Variants in PCDH11X observed in about 807,000 individuals in gnomAD.
PCDH11X encodes the protein protocadherin-11 X-linked.
Under a neutral mutation model 53.3 loss-of-function variants are expected in PCDH11X, and 18 were observed. The ratio of observed to expected loss-of-function variants is 0.34; its 90% CI spans 0.23 to 0.50. PCDH11X has a LOEUF of 0.50. PCDH11X is among the 20% of genes least tolerant of loss of function. The pLI is 0.98. For synonymous variants in PCDH11X, 279 were observed against 393.3 expected (o/e 0.71, Z 3.44); for missense variants, 570 against 1,032.4 (o/e 0.55, Z 6.14).
chrX:92,425,762 TTAGAAA>T (rs935626233), intron 9 of PCDH11X, among the ~76,000 whole-genome samples: 1 of 77,265 alleles, frequency 1.3e-5, no homozygotes, highest in African/African-American at 4.7e-5. Flanking sequence ...ATTTCAACTT[TTAGAAA>T]TAGAGGAGGT....
intron 6 of PCDH11X, among the ~76,000 whole-genome samples, chrX:92,155,653 G>A (rs1342110515): frequency 1.1e-5 from 1 of 90,485 alleles, no homozygotes; most frequent in African/African-American, 4.6e-5. Context: ...CTGAGACAGA[G>A]TCTCGCTCTG....
At chrX:92,162,278 G>T (rs753373307) in intron 6 of PCDH11X, among the ~76,000 whole-genome samples, 2 of 104,785 alleles carry the variant, frequency 1.9e-5, no homozygotes, top group South Asian at 8.8e-4. Flanking sequence ...TGCAACCTCT[G>T]CCTCCTGGGT....
At chrX:92,579,179 T>A (rs1923346303) in intron 10 of PCDH11X, among the ~76,000 whole-genome samples, 1 of 101,521 alleles carries the variant, frequency 9.9e-6, no homozygotes, top group African/African-American at 3.7e-5. Flanking sequence ...TCCTTAATAT[T>A]TTTTTCCTTC....
rs1603226427 is a variant in PCDH11X, at chrX:92,241,620, A to G, written c.3115-21494A>G. 2.7e-5 allele frequency among the ~76,000 whole-genome samples: 3 copies of G among 112,053 alleles called. No individual in the cohort carries two copies. The South Asian group carries it at 1.1e-3, about 42-fold the overall frequency. On this transcript the variant is annotated intron_variant, in intron 7 of 10. Coordinates refer to ENST00000682573, the MANE Select transcript of PCDH11X (RefSeq NM_032968.5). ...AGAGCTAATCATTTGTTAAAACTGT[A>G]AAAAGTGGACATTCCTCTCAGTGAA...
At chrX:92,514,015 G>A (rs1351909293) in intron 10 of PCDH11X, among the ~76,000 whole-genome samples, 2 of 111,309 alleles carry the variant, frequency 1.8e-5, no homozygotes, top group South Asian at 7.5e-4. Flanking sequence ...TGTTTTTAAG[G>A]CTAATCCATA....
chrX:92,611,541 A>G (rs1452071214), intron 10 of PCDH11X, among the ~76,000 whole-genome samples: 1 of 110,319 alleles, frequency 9.1e-6, no homozygotes, highest in Non-Finnish European at 1.9e-5. Context: ...GACATAGGTT[A>G]TCATCTTCTT....
intron 7 of PCDH11X, among the ~76,000 whole-genome samples, chrX:92,220,287 G>T (rs1375408857): frequency 2.5e-5 from 2 of 81,305 alleles, no homozygotes; most frequent in Admixed American, 1.5e-4. Flanking sequence ...GAAAATTTTC[G>T]CCACCTACTC....
intron 9 of PCDH11X, among the ~76,000 whole-genome samples, chrX:92,438,917 CA>C (rs1442807492): frequency 9.0e-6 from 1 of 111,372 alleles, no homozygotes; most frequent in Non-Finnish European, 1.9e-5. Context: ...GTGCCTAAGA[CA>C]TGAGATTAAT....
chrX:92,532,046 T>C (rs2074566779), intron 10 of PCDH11X, among the ~76,000 whole-genome samples: 1 of 110,557 alleles, frequency 9.0e-6, no homozygotes, highest in South Asian at 3.8e-4. Flanking sequence ...TAGAAATACA[T>C]TTTAATTTAG....
chrX:92,511,388 G>A (rs1200491917), intron 10 of PCDH11X, among the ~76,000 whole-genome samples: 2 of 111,580 alleles, frequency 1.8e-5, no homozygotes, highest in African/African-American at 6.5e-5. Context: ...AATAGCCAAT[G>A]TTAATGTGAC....
At chrX:92,416,883 A>C (rs1197939900) in intron 9 of PCDH11X, among the ~76,000 whole-genome samples, 14 of 111,962 alleles carry the variant, frequency 1.3e-4, no homozygotes, top group Non-Finnish European at 1.1e-4. Context: ...TAAAAGTTGT[A>C]CGTTATTTAT....
intron 6 of PCDH11X, among the ~76,000 whole-genome samples, chrX:92,108,578 T>C (rs921606151): frequency 9.0e-6 from 1 of 111,693 alleles, no homozygotes; most frequent in Non-Finnish European, 1.9e-5. Flanking sequence ...ACACATATAA[T>C]ATAATGCAGA....
chrX:92,129,690 T>G (rs1301051461), intron 6 of PCDH11X, among the ~76,000 whole-genome samples: 4 of 111,291 alleles, frequency 3.6e-5, no homozygotes, highest in Non-Finnish European at 5.7e-5. Context: ...AGACCTGTTT[T>G]CTCAGATTCC....
chrX:92,148,170 TTCC>T (rs1569389494), intron 6 of PCDH11X, among the ~76,000 whole-genome samples: 1 of 45,648 alleles, frequency 2.2e-5, no homozygotes, highest in African/African-American at 9.7e-5. Flanking sequence ...CCTTCCTTCC[TTCC>T]TTCTTTCTTT....
chrX:92,053,962 C>A (rs1263287128), intron 6 of PCDH11X, among the ~76,000 whole-genome samples: 1 of 111,561 alleles, frequency 9.0e-6, no homozygotes, highest in Non-Finnish European at 1.9e-5. Flanking sequence ...GAACTGTTAT[C>A]CCCATTTTTC....
chrX:92,101,548 C>T lies in PCDH11X; in HGVS notation c.3034-99827C>T, dbSNP rs780876470. On this transcript the variant is annotated intron_variant, in intron 6 of 10. Transcript: ENST00000682573. ...ACTAACAGCCTGAAAAACTGCTTGG[C>T]TGATTTGACTAATAAAGGCTTATCT... Among the ~76,000 whole-genome samples, 5 of 111,223 alleles carry T rather than the reference C, an allele frequency of 4.5e-5. No individual in the cohort carries two copies. The South Asian group carries it at 1.9e-3, about 42-fold the overall frequency.
intron 8 of PCDH11X, among the ~76,000 whole-genome samples, chrX:92,333,995 C>T (rs1198382966): frequency 9.0e-6 from 1 of 110,959 alleles, no homozygotes; most frequent in Non-Finnish European, 1.9e-5. Flanking sequence ...TCTTAAACAA[C>T]ATGGGTTTGA....
At position 92,343,962 on chromosome X, in the gene PCDH11X, G is replaced by GTT. The variant is rs575703247; in HGVS notation, c.3145-43763_3145-43762dup. Reference sequence around the variant, plus strand: ...TTTCTTGAAAGCTGGTTATACAAACGTTTTTTTTTTTCTTGCCCCTGTCTC... The same window carrying GTT: ...TTTCTTGAAAGCTGGTTATACAAACGTTTTTTTTTTTTTCTTGCCCCTGTCTC... On this transcript the variant is annotated intron_variant, in intron 8 of 10. Transcript: ENST00000682573. 5.8e-5 allele frequency among the ~76,000 whole-genome samples: 6 copies of GTT among 103,968 alleles called. No individual in the cohort carries two copies. The South Asian group carries it at 1.7e-3, about 29-fold the overall frequency. The allele number at this position is 103,968 out of a possible 115,157, so 90.3% of individuals were successfully genotyped here.
chrX:92,127,433 T>C (rs1173962028), intron 6 of PCDH11X, among the ~76,000 whole-genome samples: 2 of 111,284 alleles, frequency 1.8e-5, no homozygotes, highest in Admixed American at 1.9e-4. Flanking sequence ...ACAGCAGTCT[T>C]AAATCCTTTT....
Sources: gnomAD v4.1 joint callset for allele counts (sites outside exome capture counted in the v4.1 genomes callset) on GRCh38, gnomAD v4.1.1 for gene constraint, MANE v1.5 for transcripts, NCBI Gene and HGNC (gene_info 2026-07-23, HGNC 2026-07-21) for gene names.